The following PTPN3 variants were observed in gnomAD, a reference collection of about 807,000 sequenced individuals.
PTPN3 encodes protein tyrosine phosphatase non-receptor type 3.
A neutral mutation model predicts 132.7 loss-of-function variants in PTPN3; 96 were observed. The observed-to-expected ratio is 0.72, with a 90% CI of 0.61 to 0.86. PTPN3 has a LOEUF of 0.86. Ranked by LOEUF, PTPN3 falls within the 40% of genes least tolerant of loss-of-function variation. The pLI, the probability that PTPN3 is intolerant of heterozygous loss-of-function variation, is 0.00. For missense variants in PTPN3, 1,125 were observed against 1,159.6 expected (o/e 0.97, Z 0.43); for synonymous variants, 398 against 429.0 (o/e 0.93, Z 0.89).
chr9:109,535,374 A>G, the PTPN3 span, among the ~76,000 whole-genome samples: 5 of 152,270 alleles, frequency 3.3e-5, no homozygotes, highest in African/African-American at 1.2e-4. Flanking sequence ...TGATCCAGTT[A>G]TGTTCCTGCT....
chr9:109,397,456 A>G (rs929627751), intron 19 of PTPN3, among the ~76,000 whole-genome samples: 4 of 152,168 alleles, frequency 2.6e-5, no homozygotes, highest in African/African-American at 9.7e-5. Flanking sequence ...GCTGAGGGTA[A>G]CCCATTTTTC....
intron 22 of PTPN3, among the ~76,000 whole-genome samples, chr9:109,387,861 A>C (rs1353917054): frequency 6.6e-6 from 1 of 152,232 alleles, no homozygotes; most frequent in Non-Finnish European, 1.5e-5. Context: ...AATGTTTCTA[A>C]GAAGAAACCC....
chr9:109,504,869 C>T, the PTPN3 span, among the ~76,000 whole-genome samples: 6 of 152,214 alleles, frequency 3.9e-5, no homozygotes, highest in East Asian at 1.9e-4. Flanking sequence ...TGCAGCTGAC[C>T]GAAACAATCG....
At chr9:109,417,799 G>A (rs1374974871) in intron 14 of PTPN3, 1 of 984,520 alleles carries the variant, frequency 1.0e-6, no homozygotes, top group East Asian at 1.1e-4. Flanking sequence ...AACCCCACAA[G>A]GAAGCCTGCC....
chr9:109,526,361 A>T, the PTPN3 span, among the ~76,000 whole-genome samples: 4 of 151,858 alleles, frequency 2.6e-5, no homozygotes, highest in African/African-American at 9.7e-5. Context: ...TTAAAGTGGA[A>T]ATGATTAGTT....
intron 14 of PTPN3, among the ~76,000 whole-genome samples, chr9:109,419,787 C>A (rs1016702849): frequency 1.3e-5 from 2 of 151,914 alleles, no homozygotes; most frequent in South Asian, 4.2e-4. Flanking sequence ...TATTGAATAA[C>A]AAAAGCACTC....
the PTPN3 span, among the ~76,000 whole-genome samples, chr9:109,515,878 G>A: frequency 1.3e-5 from 2 of 152,156 alleles, no homozygotes; most frequent in Non-Finnish European, 2.9e-5. Flanking sequence ...CTCCCACTGG[G>A]CCCAACCTCC....
intron 4 of PTPN3, among the ~76,000 whole-genome samples, chr9:109,455,886 G>T (rs138442438): frequency 1.9e-4 from 29 of 152,272 alleles, no homozygotes; most frequent in Non-Finnish European, 3.5e-4. Flanking sequence ...CTGAGCTCAG[G>T]ATACGTTCAC....
At chr9:109,438,998 TG>T (rs1844257044) in intron 7 of PTPN3, among the ~76,000 whole-genome samples, 1 of 152,202 alleles carries the variant, frequency 6.6e-6, no homozygotes, top group African/African-American at 2.4e-5. Context: ...GACTAGCCCC[TG>T]GGCAAAATGG....
the PTPN3 span, among the ~76,000 whole-genome samples, chr9:109,521,397 T>A: frequency 6.6e-6 from 1 of 152,052 alleles, no homozygotes; most frequent in Non-Finnish European, 1.5e-5. Context: ...CGAACTTAGG[T>A]GATCCGCCCG....
intron 4 of PTPN3, among the ~76,000 whole-genome samples, chr9:109,455,577 CAT>C (rs2132024813): frequency 6.6e-6 from 1 of 152,360 alleles, no homozygotes; most frequent in Admixed American, 6.5e-5. Flanking sequence ...CACCTGTCCA[CAT>C]GTCTAGGTAC....
intron 9 of PTPN3, among the ~76,000 whole-genome samples, 182 bp from the exon 10 acceptor site, chr9:109,433,343 A>G (rs752831018): frequency 2.0e-5 from 3 of 152,234 alleles, no homozygotes; most frequent in Non-Finnish European, 2.9e-5. Context: ...ACTGAGTACC[A>G]AATTCTTCTA....
rs553532089 is a variant in PTPN3 at position 109,437,047 on chromosome 9, C to T, written c.588-77G>A. 61 of 1,578,654 alleles carry T rather than the reference C, an allele frequency of 3.9e-5. No homozygotes were observed. The South Asian group carries it at 3.9e-4, about 10-fold the overall frequency. ...AACTCCAATTTTAAAAAATCTAGAA[C>T]ATTTGATACCATTTCTGTAAGGTTA... On this transcript the variant is annotated intron_variant, in intron 8 of 25. Coordinates refer to ENST00000374541, the MANE Select transcript of PTPN3 (RefSeq NM_002829.4).
At chr9:109,468,283 T>C (rs762915642) in intron 1 of PTPN3, among the ~76,000 whole-genome samples, 9 of 152,258 alleles carry the variant, frequency 5.9e-5, no homozygotes, top group Non-Finnish European at 1.3e-4. Context: ...GTTCTTTGCA[T>C]GAGTTTAAAA....
At chr9:109,511,638 G>T in the PTPN3 span, 1 of 152,998 alleles carries the variant, frequency 6.5e-6, no homozygotes, top group Non-Finnish European at 1.5e-5. Context: ...GCCAGGCCAG[G>T]TTTATCTCAG....
intron 4 of PTPN3, among the ~76,000 whole-genome samples, chr9:109,456,070 G>T (rs1162435203): frequency 1.3e-5 from 2 of 152,100 alleles, no homozygotes; most frequent in Admixed American, 6.5e-5. Context: ...TTTGAGAATC[G>T]GGCTCCCTGT....
intron 1 of PTPN3, among the ~76,000 whole-genome samples, chr9:109,469,227 C>T (rs931214991): frequency 6.6e-6 from 1 of 152,188 alleles, no homozygotes; most frequent in East Asian, 1.9e-4. Context: ...ACATTCGGAT[C>T]TGGGAAACTG....
intron 2 of PTPN3, among the ~76,000 whole-genome samples, chr9:109,461,775 T>A (rs1319727269): frequency 1.3e-5 from 2 of 150,972 alleles, no homozygotes; most frequent in Non-Finnish European, 3.0e-5. Flanking sequence ...AAAAAAAAAA[T>A]TAGTTATTCA....
intron 6 of PTPN3, among the ~76,000 whole-genome samples, chr9:109,446,326 C>A (rs1844854653): frequency 6.6e-6 from 1 of 152,234 alleles, no homozygotes; most frequent in Admixed American, 6.5e-5. Flanking sequence ...GCCTTTCTGA[C>A]AATGCGGCCC....
Sources: allele counts gnomAD v4.1 joint callset (sites outside exome capture counted in the v4.1 genomes callset), GRCh38; gene constraint gnomAD v4.1.1; transcripts MANE v1.5; gene names NCBI Gene and HGNC (gene_info 2026-07-23, HGNC 2026-07-21).